C2CD4B: variants seen among roughly 807,000 people sequenced by gnomAD.
C2CD4B encodes C2 calcium-dependent domain-containing protein 4B.
For missense variants in C2CD4B, 644 were observed against 577.7 expected, an observed-to-expected ratio of 1.11 and a Z score of -1.18; for synonymous variants, 347 against 284.9, an observed-to-expected ratio of 1.22 and a Z score of -2.20.
chr15:62,164,043 G>T lies in C2CD4B; in HGVS notation c.942C>A (p.Ser314=). ...CGTCGAAGCAAAAGTCCTGGTCAAA[G>T]GAGGCCTTGCGGCTGCGCCCCACCA... ...SAVVGRSRKA[S]FDQDFCFDGL... is the part of the protein sequence containing the mutation. Residue 314 remains serine, a synonymous_variant, in exon 2 of 2, where the codon TCC becomes TCA. Transcript: ENST00000380392. 3 of 1,596,846 alleles carry T rather than the reference G, an allele frequency of 1.9e-6. No individual in the cohort carries two copies. The highest frequency in any genetic ancestry group is 2.6e-6 in the Non-Finnish European group (3 of 1,174,696).
In C2CD4B at chr15:62,164,762, G is replaced by A. The variant is rs1047128328; in HGVS notation, c.223C>T (p.Arg75Cys). Reference sequence around the variant, plus strand: ...TGCGAGCGCGGGTCCCAGTCCGTGCGGCCGGCGTCCTCGTCTGCCGCGCGG... The same window carrying A: ...TGCGAGCGCGGGTCCCAGTCCGTGCAGCCGGCGTCCTCGTCTGCCGCGCGG... The part of the protein sequence containing the change: ...WPRAADEDAG[R>C]TDWDPRSQAA... The change falls in exon 2 of 2, where the codon CGC (arginine) becomes TGC (cysteine). Residue 75 changes from arginine (R) to cysteine (C), a missense_variant. Physicochemically the swap from Arg to Cys is radical, Grantham distance 180 (BLOSUM62 -3). Transcript: ENST00000380392. The A allele has an allele frequency of 2.2e-5, 33 of 1,484,244 alleles. No individual in the cohort carries two copies. The highest frequency in any genetic ancestry group is 2.8e-5 in the Non-Finnish European group (32 of 1,127,644). 91.9% of individuals were successfully genotyped at this position (1,484,244 alleles called of 1,614,324 possible).
In C2CD4B at chr15:62,165,024, C is replaced by T; in HGVS notation, c.-40G>A. On this transcript the variant is annotated splice_region_variant and 5_prime_UTR_variant, in exon 2 of 2. Coordinates refer to ENST00000380392, the MANE Select transcript of C2CD4B (RefSeq NM_001007595.3). ...GCTAGGAGTGGCGGGAAGAGGTGCG[C>T]CTGCGGGGGAGAGAAGCTGCTGAGT... The T allele has an allele frequency of 1.4e-6, 2 of 1,467,944 alleles. No individual in the cohort carries two copies. Among genetic ancestry groups the T allele is most frequent in the Non-Finnish European group, 1.8e-6 (2 of 1,113,618 alleles). 90.9% of individuals were successfully genotyped at this position (1,467,944 alleles called of 1,614,324 possible).
rs1340796835 is a variant in C2CD4B at position 62,163,651 on chromosome 15, C to A, written c.*239G>T. On this transcript the variant is annotated 3_prime_UTR_variant, in exon 2 of 2. Coordinates refer to ENST00000380392, the MANE Select transcript of C2CD4B (RefSeq NM_001007595.3). ...TTTCTCTCCCAGTCCCAAGCCAACCCATTTTTCCTTGGAATGCAAAAATGG... is the reference window on the plus strand; with the variant it reads ...TTTCTCTCCCAGTCCCAAGCCAACCAATTTTTCCTTGGAATGCAAAAATGG... 4 of 482,242 alleles carry A rather than the reference C, an allele frequency of 8.3e-6. No homozygotes were observed. The highest frequency in any genetic ancestry group is 1.3e-5 in the Non-Finnish European group (4 of 304,358). 29.9% of individuals were successfully genotyped at this position (482,242 alleles called of 1,614,324 possible). A position where few individuals can be genotyped will look rare whatever the true frequency, so the allele number is the denominator to read the frequency against.
Position 62,164,509 on chromosome 15 carries a change from C to A in C2CD4B, c.476G>T (p.Gly159Val). The change falls in exon 2 of 2, where the codon GGT (glycine) becomes GTT (valine). Residue 159 changes from glycine to valine, a missense_variant. Gly to Val is a moderately radical substitution (Grantham distance 109). Transcript: ENST00000380392. ...PGPATPAAPG[G>V]PRLPQDALAA... ...GAGCGCGTCCTGGGGCAGGCGGGGA[C>A]CGCCGGGGGCCGCGGGGGTGGCCGG... is the stretch of plus-strand genomic sequence containing the variant. The A allele has an allele frequency of 8.5e-7, 1 of 1,181,482 alleles. No homozygotes were observed. The highest frequency in any genetic ancestry group is 1.0e-6 in the Non-Finnish European group (1 of 957,438). 73.2% of individuals were successfully genotyped at this position (1,181,482 alleles called of 1,614,324 possible). A position where few individuals can be genotyped will look rare whatever the true frequency, so the allele number is the denominator to read the frequency against.
In C2CD4B at chr15:62,164,202, T is replaced by C; in HGVS notation, c.783A>G (p.Gly261=). 6.8e-7 allele frequency: 1 copy of C among 1,480,722 alleles called. No homozygotes were observed. The highest frequency in any genetic ancestry group is 8.9e-7 in the Non-Finnish European group (1 of 1,124,626). The allele number at this position is 1,480,722 out of a possible 1,614,324, so 91.7% of individuals were successfully genotyped here. ...ALRLAAEYCP[G]TRRLRLRLLR... ...GCAGCCGGAGGCGGAGACGCCGGGT[T>C]CCCGGACAGTACTCAGCAGCCAGGC... Residue 261 remains glycine (G), a synonymous_variant, in exon 2 of 2, where the codon GGA becomes GGG. Coordinates refer to ENST00000380392, the MANE Select transcript of C2CD4B (RefSeq NM_001007595.3).
chr15:62,163,624 C>A lies in C2CD4B; in HGVS notation c.*266G>T, dbSNP rs1418697762. Reference sequence around the variant, plus strand: ...AAAAACAATGCAGATGGGTGTACTTCCTTTCTCTCCCAGTCCCAAGCCAAC... The same window carrying A: ...AAAAACAATGCAGATGGGTGTACTTACTTTCTCTCCCAGTCCCAAGCCAAC... On this transcript the variant is annotated 3_prime_UTR_variant, in exon 2 of 2. Transcript: ENST00000380392. The A allele has an allele frequency of 2.5e-6, 1 of 398,500 alleles. No individual in the cohort carries two copies. Among genetic ancestry groups the A allele is most frequent in the Non-Finnish European group, 4.3e-6 (1 of 230,258 alleles). 24.7% of individuals were successfully genotyped at this position (398,500 alleles called of 1,614,324 possible).
chr15:62,164,350 C>T lies in C2CD4B; in HGVS notation c.635G>A (p.Arg212His). The T allele has an allele frequency of 1.4e-6, 2 of 1,402,744 alleles. No homozygotes were observed. Among genetic ancestry groups the T allele is most frequent in the Non-Finnish European group, 1.8e-6 (2 of 1,087,634 alleles). 86.9% of individuals were successfully genotyped at this position (1,402,744 alleles called of 1,614,324 possible). Reference protein sequence around the residue: ...VSSGNEDEERRAGSESPARAP... With the variant: ...VSSGNEDEERHAGSESPARAP... ...CCGGGCCGGGGACTCGGATCCCGCG[C>T]GGCGCTCCTCGTCCTCGTTCCCGCT... is the stretch of plus-strand genomic sequence containing the variant. The change falls in exon 2 of 2, where the codon CGC becomes CAC. Residue 212 changes from arginine to histidine, a missense_variant. Physicochemically the swap from Arg to His is conservative, Grantham distance 29. Transcript: ENST00000380392.
At position 62,164,253 on chromosome 15, in the gene C2CD4B, A is replaced by G. The variant is rs1428237081; in HGVS notation, c.732T>C (p.Ala244=). Reference sequence around the variant, plus strand: ...GCAGGGCGTCGCCGGCGCGGCCCAGAGCCACGGTGCCCTTGGCCTCCAGGC... The same window carrying G: ...GCAGGGCGTCGCCGGCGCGGCCCAGGGCCACGGTGCCCTTGGCCTCCAGGC... ...PERLEAKGTV[A]LGRAGDALRL... is the part of the protein sequence containing the mutation. The change falls in exon 2 of 2, where the codon GCT becomes GCC. Residue 244 remains alanine (A), a synonymous_variant. Transcript: ENST00000380392. 11 of 1,445,274 alleles carry G rather than the reference A, an allele frequency of 7.6e-6. No homozygotes were observed. The highest frequency in any genetic ancestry group is 9.9e-6 in the Non-Finnish European group (11 of 1,108,228). 89.5% of individuals were successfully genotyped at this position (1,445,274 alleles called of 1,614,324 possible).
chr15:62,164,197 CG>C lies in C2CD4B; in HGVS notation c.787del (p.Arg263GlyfsTer119), dbSNP rs1217883240. The C allele has an allele frequency of 8.8e-6, 13 of 1,477,728 alleles. No homozygotes were observed. The highest frequency in any genetic ancestry group is 1.8e-6 in the Non-Finnish European group (2 of 1,123,274). The allele number at this position is 1,477,728 out of a possible 1,614,324, so 91.5% of individuals were successfully genotyped here. On this transcript the variant is annotated frameshift_variant, in exon 2 of 2. Coordinates refer to ENST00000380392, the MANE Select transcript of C2CD4B (RefSeq NM_001007595.3). LOFTEE classifies it low-confidence loss of function (END_TRUNC). ...GCGGAGCAGCCGGAGGCGGAGACGC[CG>C]GGTTCCCGGACAGTACTCAGCAGCC... is the stretch of plus-strand genomic sequence containing the variant. ...RLAAEYCPGT[R>X]RLRLRLLRAE...
chr15:62,164,660 T>G lies in C2CD4B; in HGVS notation c.325A>C (p.Thr109Pro), dbSNP rs1429826522. ...AGCAGGAGCGACTCCTTGCGGCGCG[T>G]GTGCGGGCTCTCGAGCAGCGCGCAG... is the stretch of plus-strand genomic sequence containing the variant. ...GFCALLESPH[T>P]RRKESLLLGG... Residue 109 changes from threonine to proline, a missense_variant, in exon 2 of 2, where the codon ACG becomes CCG. By Grantham distance (38) the Thr-to-Pro change is conservative. Coordinates refer to ENST00000380392, the MANE Select transcript of C2CD4B (RefSeq NM_001007595.3). The G allele has an allele frequency of 7.0e-7, 1 of 1,432,742 alleles. No individual in the cohort carries two copies. Among genetic ancestry groups the G allele is most frequent in the East Asian group, 3.1e-5 (1 of 32,472 alleles). 88.8% of individuals were successfully genotyped at this position (1,432,742 alleles called of 1,614,324 possible). A position where few individuals can be genotyped will look rare whatever the true frequency, so the allele number is the denominator to read the frequency against.
chr15:62,164,279 G>A lies in C2CD4B; in HGVS notation c.706C>T (p.Arg236Cys). 1.4e-6 allele frequency: 2 copies of A among 1,422,548 alleles called. No homozygotes were observed. The highest frequency in any genetic ancestry group is 1.5e-5 in the South Asian group (1 of 68,144). 88.1% of individuals were successfully genotyped at this position (1,422,548 alleles called of 1,614,324 possible). A position where few individuals can be genotyped will look rare whatever the true frequency, so the allele number is the denominator to read the frequency against. The change falls in exon 2 of 2, where the codon CGC (arginine) becomes TGC (cysteine). Residue 236 changes from arginine to cysteine, a missense_variant. Coordinates refer to ENST00000380392, the MANE Select transcript of C2CD4B (RefSeq NM_001007595.3). ...PLSSRAPLPE[R>C]LEAKGTVALG... Reference sequence around the variant, plus strand: ...GCCACGGTGCCCTTGGCCTCCAGGCGCTCAGGAAGCGGGGCCCTGGATGAC... The same window carrying A: ...GCCACGGTGCCCTTGGCCTCCAGGCACTCAGGAAGCGGGGCCCTGGATGAC...
In C2CD4B at chr15:62,164,775, G is replaced by T; in HGVS notation, c.210C>A (p.Asp70Glu). 1 of 1,481,050 alleles carries T rather than the reference G, an allele frequency of 6.8e-7. No individual in the cohort carries two copies. The allele number at this position is 1,481,050 out of a possible 1,614,324, so 91.7% of individuals were successfully genotyped here. Reference sequence around the variant, plus strand: ...CCCAGTCCGTGCGGCCGGCGTCCTCGTCTGCCGCGCGGGGCCACAGGTCGC... The same window carrying T: ...CCCAGTCCGTGCGGCCGGCGTCCTCTTCTGCCGCGCGGGGCCACAGGTCGC... ...AESDLWPRAA[D>E]EDAGRTDWDP... The change falls in exon 2 of 2, where the codon GAC becomes GAA. Residue 70 changes from aspartate to glutamate, a missense_variant. By Grantham distance (45) the Asp-to-Glu change is conservative (BLOSUM62 2). Coordinates refer to ENST00000380392, the MANE Select transcript of C2CD4B (RefSeq NM_001007595.3).
chr15:62,163,809 A>G lies in C2CD4B; in HGVS notation c.*81T>C, dbSNP rs1005580593. ...ATAAAGCAGTATCATAAATAAAAAA[A>G]TAAATAACGTTTATTCTGTACCACG... is the stretch of plus-strand genomic sequence containing the variant. On this transcript the variant is annotated 3_prime_UTR_variant, in exon 2 of 2. Transcript: ENST00000380392. The G allele has an allele frequency of 5.9e-6, 8 of 1,360,874 alleles. No homozygotes were observed. In the African/African-American group the frequency reaches 1.1e-4, roughly 18 times the overall value. 84.3% of individuals were successfully genotyped at this position (1,360,874 alleles called of 1,614,324 possible). A position where few individuals can be genotyped will look rare whatever the true frequency, so the allele number is the denominator to read the frequency against.
chr15:62,163,542 G>A lies in C2CD4B; in HGVS notation c.*348C>T, dbSNP rs2049573395. 1 of 249,232 alleles carries A rather than the reference G, an allele frequency of 4.0e-6. No homozygotes were observed. Among genetic ancestry groups the A allele is most frequent in the Non-Finnish European group, 7.6e-6 (1 of 132,088 alleles). The allele number at this position is 249,232 out of a possible 1,614,324, so 15.4% of individuals were successfully genotyped here. A position where few individuals can be genotyped will look rare whatever the true frequency, so the allele number is the denominator to read the frequency against. On this transcript the variant is annotated 3_prime_UTR_variant, in exon 2 of 2. Coordinates refer to ENST00000380392, the MANE Select transcript of C2CD4B (RefSeq NM_001007595.3). ...CGTAACGTTGGGCATGACTCTGAAT[G>A]AATAACTTGCTTTATTAAAAAAAAA...
rs986603439 is a variant in C2CD4B, at chr15:62,165,244, G to A, written c.-90C>T. The A allele has an allele frequency of 4.4e-6, 2 of 450,304 alleles. No individual in the cohort carries two copies. The highest frequency in any genetic ancestry group is 7.7e-6 in the Non-Finnish European group (2 of 258,488). The allele number at this position is 450,304 out of a possible 1,614,324, so 27.9% of individuals were successfully genotyped here. On this transcript the variant is annotated 5_prime_UTR_variant, in exon 1 of 2. Transcript: ENST00000380392. ...GGATCTGGTTGCAAGCTCAGTGCCA[G>A]TGGCCTCTAGCCCGCTGCCGAGGCG... is the stretch of plus-strand genomic sequence containing the variant.
In C2CD4B at chr15:62,164,342, ATCCCGCGCGGCGCTCCTCGTCCTCGT is replaced by A. The variant is rs1249394968; in HGVS notation, c.617_642del (p.Asn206IlefsTer21). On this transcript the variant is annotated frameshift_variant, in exon 2 of 2. Coordinates refer to ENST00000380392, the MANE Select transcript of C2CD4B (RefSeq NM_001007595.3). LOFTEE classifies it low-confidence loss of function (END_TRUNC). ...GAGGGGGCCCGGGCCGGGGACTCGG[ATCCCGCGCGGCGCTCCTCGTCCTCGT>A]TCCCGCTGGAGACGGAGCGGACGCG... 1.4e-6 allele frequency: 2 copies of A among 1,392,198 alleles called. No homozygotes were observed. The highest frequency in any genetic ancestry group is 3.1e-5 in the African/African-American group (2 of 65,258). 86.2% of individuals were successfully genotyped at this position (1,392,198 alleles called of 1,614,324 possible).
At position 62,164,071 on chromosome 15, in the gene C2CD4B, G is replaced by A. The variant is rs761030864; in HGVS notation, c.914C>T (p.Ala305Val). 9 of 1,569,454 alleles carry A rather than the reference G, an allele frequency of 5.7e-6. No homozygotes were observed. The highest frequency in any genetic ancestry group is 7.7e-6 in the Non-Finnish European group (9 of 1,163,768). ...GGCCTTGCGGCTGCGCCCCACCACA[G>A]CGCTGCATTGCCAACGCGCAGTGCC... ...PPGTARWQCS[A>V]VVGRSRKASF... Residue 305 changes from alanine to valine, a missense_variant, in exon 2 of 2, where the codon GCT becomes GTT. Coordinates refer to ENST00000380392, the MANE Select transcript of C2CD4B (RefSeq NM_001007595.3).
Position 62,164,556 on chromosome 15 carries a change from C to T in C2CD4B, c.429G>A (p.Leu143=). The change falls in exon 2 of 2, where the codon CTG becomes CTA. Residue 143 remains leucine, a synonymous_variant. Transcript: ENST00000380392. Reference sequence around the variant, plus strand: ...CCGGGCCCGGACCTCGCGGGCCGCACAGGGTCCCCAGGGGGGCGTCCGGGC... The same window carrying T: ...CCGGGCCCGGACCTCGCGGGCCGCATAGGGTCCCCAGGGGGGCGTCCGGGC... ...GGGPDAPLGT[L]CGPRGPGPAT... 1 of 1,161,446 alleles carries T rather than the reference C, an allele frequency of 8.6e-7. No homozygotes were observed. The highest frequency in any genetic ancestry group is 1.1e-6 in the Non-Finnish European group (1 of 944,504). The allele number at this position is 1,161,446 out of a possible 1,614,324, so 71.9% of individuals were successfully genotyped here. A position where few individuals can be genotyped will look rare whatever the true frequency, so the allele number is the denominator to read the frequency against.
In C2CD4B at chr15:62,164,364, C is replaced by A; in HGVS notation, c.621G>T (p.Glu207Asp). 1 of 1,415,364 alleles carries A rather than the reference C, an allele frequency of 7.1e-7. No individual in the cohort carries two copies. The highest frequency in any genetic ancestry group is 9.2e-7 in the Non-Finnish European group (1 of 1,092,358). The allele number at this position is 1,415,364 out of a possible 1,614,324, so 87.7% of individuals were successfully genotyped here. A position where few individuals can be genotyped will look rare whatever the true frequency, so the allele number is the denominator to read the frequency against. Reference protein sequence around the residue: ...ARVRSVSSGNEDEERRAGSES... With the variant: ...ARVRSVSSGNDDEERRAGSES... Reference sequence around the variant, plus strand: ...CGGATCCCGCGCGGCGCTCCTCGTCCTCGTTCCCGCTGGAGACGGAGCGGA... The same window carrying A: ...CGGATCCCGCGCGGCGCTCCTCGTCATCGTTCCCGCTGGAGACGGAGCGGA... The change falls in exon 2 of 2, where the codon GAG becomes GAT. Residue 207 changes from glutamate (E) to aspartate (D), a missense_variant. Transcript: ENST00000380392.
Sources: allele counts gnomAD v4.1 joint callset, GRCh38; gene constraint gnomAD v4.1.1; transcripts MANE v1.5; gene names NCBI Gene and HGNC (gene_info 2026-07-23, HGNC 2026-07-21).